The following DACH1 variants were observed in gnomAD, a reference collection of about 807,000 sequenced individuals.
The protein encoded by DACH1 is dachshund homolog 1.
A neutral mutation model predicts 54.2 loss-of-function variants in DACH1; 12 were observed. The ratio of observed to expected loss-of-function variants is 0.22; its 90% CI spans 0.14 to 0.36. DACH1 has a LOEUF of 0.36. Ranked by LOEUF, DACH1 falls within the 10% of genes least tolerant of loss-of-function variation. DACH1 has a pLI of 1.00. For missense variants in DACH1, 805 were observed against 929.8 expected (o/e 0.87, Z 1.75); for synonymous variants, 386 against 366.2 (o/e 1.05, Z -0.62).
chr13:71,468,944 G>A (rs377664251), intron 10 of DACH1, among the ~76,000 whole-genome samples: 13 of 152,254 alleles, frequency 8.5e-5, no homozygotes, highest in East Asian at 5.8e-4. Context: ...TATATCATTC[G>A]TTGGCAGTAC....
chr13:71,801,295 T>C (rs766690416), intron 1 of DACH1, among the ~76,000 whole-genome samples: 13 of 152,142 alleles, frequency 8.5e-5, no homozygotes, highest in Non-Finnish European at 1.8e-4. Flanking sequence ...ACCAGAAATG[T>C]CAGAGTTTAG....
At chr13:71,634,127 C>A (rs1007684526) in intron 2 of DACH1, among the ~76,000 whole-genome samples, 3 of 152,024 alleles carry the variant, frequency 2.0e-5, no homozygotes, top group Non-Finnish European at 4.4e-5. Context: ...CACCCACCAC[C>A]ATGCCTAGCT....
At chr13:71,818,793 A>G (rs763678142) in intron 1 of DACH1, among the ~76,000 whole-genome samples, 3 of 152,234 alleles carry the variant, frequency 2.0e-5, no homozygotes, top group Non-Finnish European at 4.4e-5. Flanking sequence ...GTGGACAATA[A>G]AGAAGCTTAG....
chr13:71,563,531 G>A lies in DACH1; in HGVS notation c.1300-3576C>T, dbSNP rs544675686. ...GTTTATTTTAACATTTCCCATATAA[G>A]TAGAAAAATGCTTTATTAGTCAATG... On this transcript the variant is annotated intron_variant, in intron 4 of 10. Coordinates refer to ENST00000613252, the MANE Select transcript of DACH1 (RefSeq NM_080759.6). Among the ~76,000 whole-genome samples, 16 of 151,904 alleles carry A rather than the reference G, an allele frequency of 1.1e-4. 1 individual carries two copies. In the South Asian group the frequency reaches 3.1e-3, roughly 30 times the overall value.
chr13:71,819,378 G>A (rs1399339886), intron 1 of DACH1, among the ~76,000 whole-genome samples: 5 of 152,338 alleles, frequency 3.3e-5, no homozygotes, highest in East Asian at 3.9e-4. Context: ...GAGCAAAGCC[G>A]AGGGGCAAAG....
intron 1 of DACH1, among the ~76,000 whole-genome samples, chr13:71,752,271 A>G (rs1320574977): frequency 2.6e-5 from 4 of 152,180 alleles, no homozygotes; most frequent in Admixed American, 2.0e-4. Flanking sequence ...CATTAAATAC[A>G]TCATATATTT....
chr13:71,531,707 A>C (rs573748190), intron 6 of DACH1, among the ~76,000 whole-genome samples: 1 of 152,080 alleles, frequency 6.6e-6, no homozygotes, highest in African/African-American at 2.4e-5. Flanking sequence ...AATAGAAGTA[A>C]GATTTTTAAG....
Position 71,471,379 on chromosome 13 carries a change from A to G in DACH1, c.2083+3762T>C, listed in dbSNP as rs117814294. On this transcript the variant is annotated intron_variant, in intron 10 of 10. Transcript: ENST00000613252. Reference sequence around the variant, plus strand: ...TTGGGTCTCTGTGAGTCGACCAAATAAAAAGTTGGATATTATTATCTGGAG... The same window carrying G: ...TTGGGTCTCTGTGAGTCGACCAAATGAAAAGTTGGATATTATTATCTGGAG... Among the ~76,000 whole-genome samples, 195 of 152,192 alleles carry G rather than the reference A, an allele frequency of 1.3e-3. 1 individual carries two copies. The East Asian group carries it at 0.03, about 24-fold the overall frequency.
At chr13:71,446,425 C>A (rs1484814221) in intron 10 of DACH1, among the ~76,000 whole-genome samples, 1 of 152,196 alleles carries the variant, frequency 6.6e-6, no homozygotes, top group Non-Finnish European at 1.5e-5. Flanking sequence ...CTAACATTTT[C>A]TGAGCACCTG....
At chr13:71,583,958 C>CA (rs1873046258) in intron 3 of DACH1, among the ~76,000 whole-genome samples, 1 of 152,138 alleles carries the variant, frequency 6.6e-6, no homozygotes, top group Admixed American at 6.5e-5. Context: ...TTTGTAATCT[C>CA]AAACTGTCTT....
At chr13:71,790,772 G>A (rs1200599894) in intron 1 of DACH1, among the ~76,000 whole-genome samples, 2 of 152,116 alleles carry the variant, frequency 1.3e-5, no homozygotes, top group Non-Finnish European at 2.9e-5. Flanking sequence ...ACACAAAAAA[G>A]CATTACTTTG....
At chr13:71,542,284 T>G (rs73521252) in intron 6 of DACH1, among the ~76,000 whole-genome samples, 2 of 151,844 alleles carry the variant, frequency 1.3e-5, no homozygotes, top group Non-Finnish European at 2.9e-5. Context: ...GATACATACA[T>G]ACATACTTGA....
At chr13:71,654,207 C>T (rs1043686247) in intron 2 of DACH1, among the ~76,000 whole-genome samples, 5 of 151,308 alleles carry the variant, frequency 3.3e-5, no homozygotes, top group African/African-American at 7.3e-5. Context: ...CTGGCTAACA[C>T]GGTGAAACCT....
At chr13:71,832,128 C>T (rs1888616832) in intron 1 of DACH1, among the ~76,000 whole-genome samples, 3 of 151,930 alleles carry the variant, frequency 2.0e-5, no homozygotes, top group Admixed American at 2.0e-4. Context: ...CATTTGCGTG[C>T]TTGGTGTTTA....
At chr13:71,509,768 G>T (rs1278375595) in intron 6 of DACH1, among the ~76,000 whole-genome samples, 2 of 151,826 alleles carry the variant, frequency 1.3e-5, no homozygotes, top group Admixed American at 6.6e-5. Flanking sequence ...AGTTCTAATT[G>T]CATATAGCCA....
intron 6 of DACH1, among the ~76,000 whole-genome samples, chr13:71,548,825 A>G (rs1883624456): frequency 6.6e-6 from 1 of 152,080 alleles, no homozygotes; most frequent in African/African-American, 2.4e-5. Flanking sequence ...CTGAGACCCA[A>G]GGATCACTTG....
chr13:71,617,862 A>C (rs1052765860), intron 3 of DACH1, among the ~76,000 whole-genome samples: 8 of 152,162 alleles, frequency 5.3e-5, no homozygotes, highest in Non-Finnish European at 7.4e-5. Flanking sequence ...ACAAACAACT[A>C]GTCAACAGAA....
At chr13:71,793,674 G>C (rs1320798201) in intron 1 of DACH1, among the ~76,000 whole-genome samples, 2 of 152,150 alleles carry the variant, frequency 1.3e-5, no homozygotes, top group East Asian at 1.9e-4. Context: ...GGGACTACAG[G>C]CATGTGCCAC....
At chr13:71,562,986 A>T (rs1327205789) in intron 4 of DACH1, among the ~76,000 whole-genome samples, 1 of 152,048 alleles carries the variant, frequency 6.6e-6, no homozygotes, top group African/African-American at 2.4e-5. Flanking sequence ...ATATATCAAG[A>T]AACAATACTG....
Sources: gnomAD v4.1 joint callset for allele counts (sites outside exome capture counted in the v4.1 genomes callset) on GRCh38, gnomAD v4.1.1 for gene constraint, MANE v1.5 for transcripts, NCBI Gene and HGNC (gene_info 2026-07-23, HGNC 2026-07-21) for gene names.